UNC5D: variants seen among roughly 807,000 people sequenced by gnomAD.
UNC5D encodes the protein netrin receptor UNC5D.
In UNC5D, 39 loss-of-function variants were observed where a neutral mutation model predicts 105.4. That is an observed-to-expected ratio of 0.37 (90% confidence interval 0.29 to 0.48). The LOEUF (loss-of-function observed/expected upper bound fraction) is 0.48, where lower values mean the gene tolerates loss of function less well. Ranked by LOEUF, UNC5D falls within the 20% of genes least tolerant of loss-of-function variation. The pLI is 0.98. For synonymous variants in UNC5D, 452 were observed against 450.4 expected (o/e 1.00, Z -0.04); for missense variants, 991 against 1,202.4 (o/e 0.82, Z 2.60).
At chr8:35,268,375 A>G (rs1386081912) in intron 1 of UNC5D, among the ~76,000 whole-genome samples, 1 of 152,158 alleles carries the variant, frequency 6.6e-6, no homozygotes, top group Non-Finnish European at 1.5e-5. Context: ...TTGGTCTCAT[A>G]GATTCCTTAC....
At chr8:35,641,366 C>CAAGAAAAAAAAAAAAAAAAGA (rs1822706789) in intron 4 of UNC5D, among the ~76,000 whole-genome samples, 1 of 44,288 alleles carries the variant, frequency 2.3e-5, no homozygotes, top group Non-Finnish European at 4.2e-5. Flanking sequence ...AAAAATAAAG[C>CAAGAAAAAAAAAAAAAAAAGA]AAAAAAAAAA....
chr8:35,348,206 G>A (rs1811940504), intron 1 of UNC5D, among the ~76,000 whole-genome samples: 2 of 151,770 alleles, frequency 1.3e-5, no homozygotes, highest in Admixed American at 6.6e-5. Flanking sequence ...AAGTTCTCAT[G>A]TCATTAGTGG....
At chr8:35,690,495 A>C (rs1459232246) in intron 7 of UNC5D, among the ~76,000 whole-genome samples, 1 of 152,176 alleles carries the variant, frequency 6.6e-6, no homozygotes, top group African/African-American at 2.4e-5. Context: ...AATATAAGCC[A>C]GACATGGTGG....
At chr8:35,357,007 A>T (rs1367426190) in intron 1 of UNC5D, among the ~76,000 whole-genome samples, 2 of 152,096 alleles carry the variant, frequency 1.3e-5, no homozygotes, top group East Asian at 3.9e-4. Context: ...ACATTTTCAG[A>T]CCAAGATTGA....
At chr8:35,717,661 G>T (rs1290305007) in intron 8 of UNC5D, among the ~76,000 whole-genome samples, 1 of 152,134 alleles carries the variant, frequency 6.6e-6, no homozygotes, top group African/African-American at 2.4e-5. Context: ...TACAATTCAG[G>T]TTTTTAACAA....
At chr8:35,608,449 G>T (rs985100979) in intron 4 of UNC5D, among the ~76,000 whole-genome samples, 1 of 152,314 alleles carries the variant, frequency 6.6e-6, no homozygotes, top group East Asian at 1.9e-4. Context: ...AATGTATGGG[G>T]TGCAAGTATA....
chr8:35,594,212 C>T (rs866548101), intron 3 of UNC5D, among the ~76,000 whole-genome samples: 12 of 152,158 alleles, frequency 7.9e-5, no homozygotes, highest in Non-Finnish European at 1.5e-4. Flanking sequence ...ATATGTAGCA[C>T]TGCTACTAAC....
At chr8:35,772,281 A>C (rs1802044044) in intron 15 of UNC5D, among the ~76,000 whole-genome samples, 1 of 152,166 alleles carries the variant, frequency 6.6e-6, no homozygotes, top group South Asian at 2.1e-4. Flanking sequence ...TGTGTTTCCA[A>C]AAACAGAGCC....
intron 1 of UNC5D, among the ~76,000 whole-genome samples, chr8:35,320,069 C>A (rs2128884726): frequency 6.6e-6 from 1 of 152,036 alleles, no homozygotes; most frequent in African/African-American, 2.4e-5. Context: ...ATGAAACAGC[C>A]CCAAGAGATC....
intron 1 of UNC5D, among the ~76,000 whole-genome samples, chr8:35,461,396 C>T (rs935256062): frequency 6.6e-6 from 1 of 152,080 alleles, no homozygotes; most frequent in Admixed American, 6.6e-5. Context: ...AAGGAATACT[C>T]AGGTTGCACT....
intron 3 of UNC5D, among the ~76,000 whole-genome samples, chr8:35,573,809 T>G (rs1303825501): frequency 6.6e-6 from 1 of 152,226 alleles, no homozygotes; most frequent in Non-Finnish European, 1.5e-5. Context: ...ACTATTGTTT[T>G]TTTCCTTAAT....
At chr8:35,409,665 C>T (rs185065146) in intron 1 of UNC5D, among the ~76,000 whole-genome samples, 67 of 151,800 alleles carry the variant, frequency 4.4e-4, no homozygotes, top group South Asian at 1.2e-3. Context: ...ATATGTGATT[C>T]GGATACATTT....
At chr8:35,475,039 C>T (rs1049631605) in intron 1 of UNC5D, among the ~76,000 whole-genome samples, 7 of 152,110 alleles carry the variant, frequency 4.6e-5, no homozygotes, top group Admixed American at 1.3e-4. Context: ...CTGGATGGGT[C>T]TCAGAGGCTT....
intron 3 of UNC5D, among the ~76,000 whole-genome samples, chr8:35,569,836 CA>C (rs1381811506): frequency 6.6e-6 from 1 of 152,174 alleles, no homozygotes; most frequent in African/African-American, 2.4e-5. Context: ...TGCAAAACAG[CA>C]GAGGGGATTT....
At chr8:35,688,903 T>G (rs555035784) in intron 7 of UNC5D, among the ~76,000 whole-genome samples, 1 of 152,360 alleles carries the variant, frequency 6.6e-6, no homozygotes, top group African/African-American at 2.4e-5. Context: ...CATGAGTGGC[T>G]TCAAGGAAAG....
At chr8:35,309,161 A>AT (rs1208101667) in intron 1 of UNC5D, among the ~76,000 whole-genome samples, 6 of 152,016 alleles carry the variant, frequency 3.9e-5, no homozygotes, top group South Asian at 4.2e-4. Context: ...ATGCCCCCAC[A>AT]TTTTTTTTGT....
At position 35,403,286 on chromosome 8, in the gene UNC5D, A is replaced by G. The variant is rs550756761; in HGVS notation, c.104-146006A>G. On this transcript the variant is annotated intron_variant, in intron 1 of 16. Coordinates refer to ENST00000404895, the MANE Select transcript of UNC5D (RefSeq NM_080872.4). ...CTTAGCAAAACTGCTGTGTGTTAAC[A>G]CCTTTGTGTTGCTACCTACTGTGGC... Among the ~76,000 whole-genome samples, 7 of 152,304 alleles carry G rather than the reference A, an allele frequency of 4.6e-5. 1 individual carries two copies. The highest frequency in any genetic ancestry group is 1.7e-4 in the African/African-American group (7 of 41,566).
intron 1 of UNC5D, among the ~76,000 whole-genome samples, chr8:35,309,913 C>T (rs1296711967): frequency 6.6e-6 from 1 of 152,092 alleles, no homozygotes; most frequent in African/African-American, 2.4e-5. Flanking sequence ...ACCTAGTATA[C>T]CAACTTTGAA....
intron 4 of UNC5D, among the ~76,000 whole-genome samples, chr8:35,648,603 T>C (rs1020290300): frequency 7.1e-6 from 1 of 140,730 alleles, no homozygotes; most frequent in African/African-American, 2.8e-5. Flanking sequence ...GGCTTGAACT[T>C]GGGAAGCAGA....
Sources: allele counts gnomAD v4.1 joint callset (sites outside exome capture counted in the v4.1 genomes callset), GRCh38; gene constraint gnomAD v4.1.1; transcripts MANE v1.5; gene names NCBI Gene and HGNC (gene_info 2026-07-23, HGNC 2026-07-21).